Variants in LMO1 observed in about 807,000 individuals in gnomAD.
LMO1 encodes LIM domain only 1, also known as rhombotin-1.
In LMO1, 10 loss-of-function variants were observed where a neutral mutation model predicts 18.0. That is an observed-to-expected ratio of 0.55 (90% CI 0.34 to 0.94). The LOEUF (loss-of-function observed/expected upper bound fraction) is 0.94. LMO1 is among the 40% of genes least tolerant of loss of function. LMO1 has a pLI of 0.02. For missense variants in LMO1, 183 were observed against 205.7 expected, an observed-to-expected ratio of 0.89 and a Z score of 0.68; for synonymous variants, 77 against 77.9, an observed-to-expected ratio of 0.99 and a Z score of 0.06.
chr11:8,257,486 A>G (rs970664968), intron 1 of LMO1, among the ~76,000 whole-genome samples: 2 of 152,220 alleles, frequency 1.3e-5, no homozygotes, highest in Non-Finnish European at 2.9e-5. Flanking sequence ...TGGGACACCC[A>G]AGCACGTGGT....
Position 8,224,516 on chromosome 11 carries a change from C to T in LMO1, c.*100G>A, listed in dbSNP as rs1952497510. On this transcript the variant is annotated 3_prime_UTR_variant, in exon 4 of 4. Transcript: ENST00000335790. ...GAGAAGTTCTAATGTGGCAGGAGAGCGGCTGGCCAGCCTGCACTGGTAGAG... is the reference window on the plus strand; with the variant it reads ...GAGAAGTTCTAATGTGGCAGGAGAGTGGCTGGCCAGCCTGCACTGGTAGAG... 6 of 682,526 alleles carry T rather than the reference C, an allele frequency of 8.8e-6. No individual in the cohort carries two copies. The highest frequency in any genetic ancestry group is 1.5e-5 in the Non-Finnish European group (6 of 390,578). The allele number at this position is 682,526 out of a possible 1,614,324, so 42.3% of individuals were successfully genotyped here.
chr11:8,229,055 ATT>A (rs35607958), intron 2 of LMO1, among the ~76,000 whole-genome samples: 7 of 146,000 alleles, frequency 4.8e-5, no homozygotes, highest in Non-Finnish European at 7.6e-5. Flanking sequence ...CACCTGGCTA[ATT>A]TTTTTTTTTT....
At chr11:8,259,271 G>A (rs963194803) in intron 1 of LMO1, among the ~76,000 whole-genome samples, 1 of 152,206 alleles carries the variant, frequency 6.6e-6, no homozygotes, top group Non-Finnish European at 1.5e-5. Flanking sequence ...TGGAAGAGCA[G>A]GGAACAGAGA....
chr11:8,268,094 C>T (rs1179864789), upstream of LMO1, among the ~76,000 whole-genome samples: 1 of 152,226 alleles, frequency 6.6e-6, no homozygotes, highest in Non-Finnish European at 1.5e-5. Flanking sequence ...CGGTGCGGGT[C>T]GCAGAGGCGC....
intron 1 of LMO1, 151 bp downstream of exon 1, chr11:8,263,187 C>T: frequency 1.6e-6 from 1 of 642,346 alleles, no homozygotes; most frequent in Non-Finnish European, 2.3e-6. Flanking sequence ...GTACTTCCCC[C>T]CGCCCCAGCC....
intron 1 of LMO1, among the ~76,000 whole-genome samples, chr11:8,247,322 C>T (rs1392138817): frequency 6.6e-6 from 1 of 152,150 alleles, no homozygotes; most frequent in African/African-American, 2.4e-5. Context: ...GCCTGTGAGC[C>T]CCACCTGGCA....
upstream of LMO1, among the ~76,000 whole-genome samples, chr11:8,267,543 C>T (rs1374016866): frequency 6.6e-6 from 1 of 152,168 alleles, no homozygotes; most frequent in Non-Finnish European, 1.5e-5. Context: ...GCTGTGAGTT[C>T]TTCCAAGAGA....
At chr11:8,226,143 A>G (rs570397861) in intron 3 of LMO1, among the ~76,000 whole-genome samples, 1 of 152,222 alleles carries the variant, frequency 6.6e-6, no homozygotes, top group South Asian at 2.1e-4. Flanking sequence ...ACATGCACAT[A>G]CTATACACTG....
At chr11:8,267,145 C>G (rs898792239), upstream of LMO1, among the ~76,000 whole-genome samples, 2 of 152,192 alleles carry the variant, frequency 1.3e-5, no homozygotes, top group African/African-American at 2.4e-5. Context: ...GATTGTTAGG[C>G]CTTGTGGAGG....
chr11:8,263,288 G>C, intron 1 of LMO1, 50 bp downstream of exon 1: 4 of 1,568,868 alleles, frequency 2.5e-6, no homozygotes, highest in Non-Finnish European at 3.4e-6. Flanking sequence ...TGCGCGCCGC[G>C]GCAGGGGGCG....
At position 8,263,671 on chromosome 11, in the gene LMO1, C is replaced by T; in HGVS notation, c.-309G>A. On this transcript the variant is annotated 5_prime_UTR_variant, in exon 1 of 4. The change creates a new upstream start codon in the 5' untranslated region. Transcript: ENST00000335790. Reference sequence around the variant, plus strand: ...ATCAGAGCCGTTTCTTTGATTCTCACCTTCTAAATGGCTCAATTTGCCCAG... The same window carrying T: ...ATCAGAGCCGTTTCTTTGATTCTCATCTTCTAAATGGCTCAATTTGCCCAG... 2.3e-6 allele frequency: 3 copies of T among 1,287,416 alleles called. No individual in the cohort carries two copies. Among genetic ancestry groups the T allele is most frequent in the Non-Finnish European group, 2.9e-6 (3 of 1,019,114 alleles). 79.7% of individuals were successfully genotyped at this position (1,287,416 alleles called of 1,614,324 possible).
At chr11:8,268,088 G>A (rs537542183), upstream of LMO1, among the ~76,000 whole-genome samples, 17 of 152,388 alleles carry the variant, frequency 1.1e-4, no homozygotes, top group African/African-American at 4.1e-4. Context: ...AGCCCGCGGT[G>A]CGGGTCGCAG....
At chr11:8,234,654 G>T (rs1388929641) in intron 1 of LMO1, among the ~76,000 whole-genome samples, 5 of 152,112 alleles carry the variant, frequency 3.3e-5, no homozygotes, top group Admixed American at 3.3e-4. Flanking sequence ...CCTGCTGGAA[G>T]CCACTGTGGC....
chr11:8,261,972 C>A (rs760879012), intron 1 of LMO1, among the ~76,000 whole-genome samples: 1 of 152,162 alleles, frequency 6.6e-6, no homozygotes, highest in South Asian at 2.1e-4. Context: ...AGATGCCACC[C>A]CCAGGCCAGA....
chr11:8,241,673 G>A (rs1428380508), intron 1 of LMO1, among the ~76,000 whole-genome samples: 1 of 151,832 alleles, frequency 6.6e-6, no homozygotes, highest in Non-Finnish European at 1.5e-5. Context: ...TCTCCTCAGA[G>A]AAGCCTTTCT....
Position 8,227,108 on chromosome 11 carries a change from G to A in LMO1, c.240-8C>T, listed in dbSNP as rs1253735430. On this transcript the variant is annotated splice_polypyrimidine_tract_variant and splice_region_variant and intron_variant, in intron 2 of 3. Transcript: ENST00000335790. ...CCTGTGGTGCCAAAGAGCCTGCCGA[G>A]GGAAGGGCGCAGAGGACTCAGCAGC... The A allele has an allele frequency of 6.8e-6, 11 of 1,611,976 alleles. No homozygotes were observed. Among genetic ancestry groups the A allele is most frequent in the Non-Finnish European group, 9.3e-6 (11 of 1,178,860 alleles).
intron 1 of LMO1, among the ~76,000 whole-genome samples, chr11:8,256,180 C>A (rs1441705720): frequency 6.6e-6 from 1 of 152,178 alleles, no homozygotes; most frequent in African/African-American, 2.4e-5. Context: ...TGTTTTATGA[C>A]TCCTAAAGAC....
intron 1 of LMO1, among the ~76,000 whole-genome samples, chr11:8,253,852 A>G (rs1391545938): frequency 6.6e-6 from 1 of 152,020 alleles, no homozygotes; most frequent in Non-Finnish European, 1.5e-5. Context: ...CCCGCCACAC[A>G]ATATTAAAAT....
chr11:8,250,088 T>C (rs911830334), intron 1 of LMO1, among the ~76,000 whole-genome samples: 3 of 152,186 alleles, frequency 2.0e-5, no homozygotes, highest in African/African-American at 7.2e-5. Flanking sequence ...CGGGATCAAT[T>C]ATTTTTAAAT....
Sources: allele counts gnomAD v4.1 joint callset (sites outside exome capture counted in the v4.1 genomes callset), GRCh38; gene constraint gnomAD v4.1.1; transcripts MANE v1.5; gene names NCBI Gene and HGNC (gene_info 2026-07-23, HGNC 2026-07-21).